The following ZFHX3 variants were observed in gnomAD, a reference collection of about 807,000 sequenced individuals.
ZFHX3 encodes zinc finger homeobox 3.
In ZFHX3, 42 loss-of-function variants were observed where a neutral mutation model predicts 279.1. That is an observed-to-expected ratio of 0.15 (90% CI 0.12 to 0.19). ZFHX3 has a LOEUF of 0.19. Ranked by LOEUF, ZFHX3 falls within the 10% of genes least tolerant of loss-of-function variation. ZFHX3 has a pLI of 1.00. For missense variants in ZFHX3, 4,981 were observed against 4,754.0 expected, an observed-to-expected ratio of 1.05 and a Z score of -1.40; for synonymous variants, 2,293 against 1,957.8, an observed-to-expected ratio of 1.17 and a Z score of -4.52.
At position 73,376,381 on chromosome 16, in the gene ZFHX3, C is replaced by A. The variant is rs1435507606; in HGVS notation, c.-1290-58045G>T. Reference sequence around the variant, plus strand: ...TGCAAAATTCTTTTAGGTTCTGGACCATTTTCTCTCTCTGACCTTCACTCA... The same window carrying A: ...TGCAAAATTCTTTTAGGTTCTGGACAATTTTCTCTCTCTGACCTTCACTCA... On this transcript the variant is annotated intron_variant, in intron 3 of 17. Coordinates refer to the ZFHX3 transcript ENST00000641206. 3.9e-5 allele frequency among the ~76,000 whole-genome samples: 6 copies of A among 152,128 alleles called. No individual in the cohort carries two copies. In the East Asian group the frequency reaches 5.8e-4, roughly 15 times the overall value.
intron 3 of ZFHX3, among the ~76,000 whole-genome samples, chr16:73,395,436 C>A (rs1423420571): frequency 2.0e-5 from 3 of 151,978 alleles, no homozygotes; most frequent in Admixed American, 6.6e-5. Flanking sequence ...TGCACTCTAG[C>A]CTGGGTGACA....
rs113202294 is a variant in ZFHX3, at chr16:73,804,220, A to G, written c.-1608+87431T>C. On this transcript the variant is annotated intron_variant, in intron 1 of 17. Coordinates refer to the ZFHX3 transcript ENST00000641206. ...CAAGGGGTAGGAGGAACGAGGAGGA[A>G]GAGTGGAACATTAGTTACCTTCTAT... 3.3e-3 allele frequency among the ~76,000 whole-genome samples: 507 copies of G among 152,304 alleles called. 8 individuals are homozygous for G. The highest frequency in any genetic ancestry group is 0.011 in the African/African-American group (475 of 41,578).
chr16:73,150,228 G>A (rs1033393706), intron 5 of ZFHX3, among the ~76,000 whole-genome samples: 2 of 152,154 alleles, frequency 1.3e-5, no homozygotes, highest in Non-Finnish European at 2.9e-5. Flanking sequence ...GTGCATAGGG[G>A]CTGGCCAGAG....
chr16:73,567,711 C>G (rs1416694357), intron 2 of ZFHX3, among the ~76,000 whole-genome samples: 1 of 152,172 alleles, frequency 6.6e-6, no homozygotes, highest in East Asian at 1.9e-4. Context: ...CTGGATTTGC[C>G]TGCGTCCCTT....
chr16:73,621,962 A>T (rs1386167409), intron 2 of ZFHX3, among the ~76,000 whole-genome samples: 6 of 152,224 alleles, frequency 3.9e-5, no homozygotes, highest in African/African-American at 1.4e-4. Context: ...CATCAACAGG[A>T]AACTGGAGAG....
intron 1 of ZFHX3, chr16:73,014,298 T>C (rs1023978422): frequency 7.4e-6 from 1 of 134,814 alleles, no homozygotes; most frequent in Non-Finnish European, 1.6e-5. Context: ...TTGCGGTTTT[T>C]TGCATTTTTT....
chr16:73,532,761 TCA>T (rs2143731344), intron 2 of ZFHX3, among the ~76,000 whole-genome samples: 1 of 152,316 alleles, frequency 6.6e-6, no homozygotes, highest in South Asian at 2.1e-4. Flanking sequence ...GTTATAATCT[TCA>T]CATGTCAAGG....
Position 72,796,878 on chromosome 16 carries a change from C to T in ZFHX3, c.5804G>A (p.Arg1935His), listed in dbSNP as rs752574946. The change falls in exon 9 of 10, where the codon CGC becomes CAC. Residue 1935 changes from arginine (R) to histidine (H), a missense_variant. By Grantham distance (29) the Arg-to-His change is conservative (BLOSUM62 0). This residue lies in a region of ZFHX3 where 1,751 missense variants were observed against 1,770.0 expected (regional missense o/e 0.99). Transcript: ENST00000268489. ...GGSEPSMLPP[R>H]IASDARGNAT... ...GTTCCCTCTGGCATCTGAAGCAATG[C>T]GTGGAGGGAGCATGGAAGGCTCAGA... 23 of 1,613,634 alleles carry T rather than the reference C, an allele frequency of 1.4e-5. No individual in the cohort carries two copies. Among genetic ancestry groups the T allele is most frequent in the South Asian group, 3.3e-5 (3 of 91,056 alleles).
At chr16:73,058,028 C>T (rs1965600069) in intron 1 of ZFHX3, among the ~76,000 whole-genome samples, 1 of 145,090 alleles carries the variant, frequency 6.9e-6, no homozygotes, top group Non-Finnish European at 1.5e-5. Context: ...CGCGGACCCC[C>T]CCATACTCCC....
intron 6 of ZFHX3, among the ~76,000 whole-genome samples, chr16:73,134,331 C>CTTTTTT (rs58052486): frequency 2.4e-4 from 12 of 50,318 alleles, no homozygotes; most frequent in Admixed American, 6.2e-4. Flanking sequence ...CTCCCCACCT[C>CTTTTTT]TTTTTTTTTT....
chr16:73,283,629 G>A (rs954183867), intron 4 of ZFHX3, among the ~76,000 whole-genome samples: 24 of 152,232 alleles, frequency 1.6e-4, no homozygotes, highest in African/African-American at 5.5e-4. Context: ...TGCTGACTTA[G>A]TACTGCTCCT....
intron 1 of ZFHX3, chr16:73,015,553 T>C (rs1964072460): frequency 1.3e-5 from 2 of 152,248 alleles, no homozygotes; most frequent in African/African-American, 4.8e-5. Context: ...AACATCTACA[T>C]TCAAGAAGAA....
intron 5 of ZFHX3, among the ~76,000 whole-genome samples, chr16:72,818,991 T>G (rs1336010904): frequency 1.3e-5 from 2 of 152,212 alleles, no homozygotes; most frequent in Non-Finnish European, 1.5e-5. Flanking sequence ...CCAACTTAAA[T>G]ATGAACAAAA....
At chr16:73,371,774 T>C (rs2016635864) in intron 3 of ZFHX3, among the ~76,000 whole-genome samples, 1 of 152,242 alleles carries the variant, frequency 6.6e-6, no homozygotes, top group African/African-American at 2.4e-5. Flanking sequence ...TCCTGGTTTA[T>C]TGCTGCCTGG....
chr16:73,555,764 G>A (rs1285460737), intron 2 of ZFHX3, among the ~76,000 whole-genome samples: 7 of 151,824 alleles, frequency 4.6e-5, no homozygotes, highest in Middle Eastern at 3.4e-3. Context: ...CTCAGGAGGC[G>A]GAGGTTGCAG....
At chr16:73,265,205 A>G (rs147052183) in intron 4 of ZFHX3, among the ~76,000 whole-genome samples, 54 of 152,122 alleles carry the variant, frequency 3.5e-4, no homozygotes, top group Middle Eastern at 3.4e-3. Flanking sequence ...ACACATGTGC[A>G]AGTATCTTTT....
chr16:73,440,327 G>T lies in ZFHX3; in HGVS notation c.-1291+15676C>A, dbSNP rs16971964. Among the ~76,000 whole-genome samples the T allele has an allele frequency of 1.8e-4, 27 of 152,284 alleles. 1 individual carries two copies. Among genetic ancestry groups the T allele is most frequent in the African/African-American group, 6.5e-4 (27 of 41,548 alleles). The stretch of plus-strand genomic sequence containing the variant: ...TCCAGACAAACGAGTGTGTCCAAGA[G>T]GCATTTGAGTCCATGGGTGAACTCC... On this transcript the variant is annotated intron_variant, in intron 3 of 17. Coordinates refer to the ZFHX3 transcript ENST00000641206.
At chr16:73,242,024 G>A (rs777801524) in intron 5 of ZFHX3, among the ~76,000 whole-genome samples, 1 of 152,140 alleles carries the variant, frequency 6.6e-6, no homozygotes, top group Non-Finnish European at 1.5e-5. Context: ...AATGTCAAGT[G>A]CTGGGCTCTA....
chr16:73,016,178 T>C (rs1435895256), intron 1 of ZFHX3, among the ~76,000 whole-genome samples: 1 of 152,214 alleles, frequency 6.6e-6, no homozygotes, highest in African/African-American at 2.4e-5. Flanking sequence ...TAGGCCCAGA[T>C]ATGACTTAAT....
Sources: gnomAD v4.1 joint callset for allele counts (sites outside exome capture counted in the v4.1 genomes callset) on GRCh38, gnomAD v4.1.1 for gene constraint, gnomAD v4.1.1 regional missense constraint, MANE v1.5 for transcripts, NCBI Gene and HGNC (gene_info 2026-07-23, HGNC 2026-07-21) for gene names.